TMEM9: variants seen among roughly 807,000 people sequenced by gnomAD.
TMEM9 encodes the protein proton-transporting V-type ATPase complex assembly regulator TMEM9.
A neutral mutation model predicts 22.8 loss-of-function variants in TMEM9; 13 were observed. That is an observed-to-expected ratio of 0.57 (90% CI 0.37 to 0.91). The LOEUF is 0.91. Ranked by LOEUF, TMEM9 falls within the 40% of genes least tolerant of loss-of-function variation. TMEM9 has a pLI of 0.01. For synonymous variants in TMEM9, 88 were observed against 93.0 expected (o/e 0.95, Z 0.31); for missense variants, 182 against 238.1 (o/e 0.76, Z 1.55).
chr1:201,150,579 A>G (rs1480201135), intron 2 of TMEM9, among the ~76,000 whole-genome samples: 7 of 152,208 alleles, frequency 4.6e-5, no homozygotes, highest in Admixed American at 4.6e-4. Flanking sequence ...CAGCTAAGCT[A>G]AATTTGAAGT....
chr1:201,170,803 G>T (rs1002665717), intron 1 of TMEM9, among the ~76,000 whole-genome samples: 1 of 147,224 alleles, frequency 6.8e-6, no homozygotes, highest in African/African-American at 2.5e-5. Context: ...AACGTGGCCC[G>T]CCCTAGCCCC....
upstream of TMEM9, among the ~76,000 whole-genome samples, chr1:201,156,073 CA>C (rs1665785309): frequency 6.6e-6 from 1 of 152,082 alleles, no homozygotes; most frequent in Non-Finnish European, 1.5e-5. Context: ...TTCATGGGGA[CA>C]AAAGCATGGG....
At chr1:201,171,242 C>A (rs550228667) in intron 1 of TMEM9, among the ~76,000 whole-genome samples, 1 of 152,272 alleles carries the variant, frequency 6.6e-6, no homozygotes, top group East Asian at 1.9e-4. Flanking sequence ...CTTCCCAGGC[C>A]CCCTGCCGGA....
At chr1:201,138,785 C>T (rs1664240132) in intron 4 of TMEM9, among the ~76,000 whole-genome samples, 1 of 152,230 alleles carries the variant, frequency 6.6e-6, no homozygotes, top group Admixed American at 6.5e-5. Flanking sequence ...AAAGATGAAT[C>T]ATCTTGCTGC....
At chr1:201,164,136 C>T (rs916960545) in intron 1 of TMEM9, among the ~76,000 whole-genome samples, 1 of 152,120 alleles carries the variant, frequency 6.6e-6, no homozygotes, top group Non-Finnish European at 1.5e-5. Flanking sequence ...ATACCAATCC[C>T]AAAAGTTTGC....
intron 1 of TMEM9, among the ~76,000 whole-genome samples, chr1:201,162,325 C>G (rs887464507): frequency 1.3e-5 from 2 of 151,806 alleles, no homozygotes; most frequent in African/African-American, 4.8e-5. Flanking sequence ...TTTGTGGAGA[C>G]AGAGTCTTGC....
At chr1:201,141,666 C>T (rs1020296657) in intron 4 of TMEM9, among the ~76,000 whole-genome samples, 3 of 152,142 alleles carry the variant, frequency 2.0e-5, no homozygotes, top group Non-Finnish European at 4.4e-5. Flanking sequence ...GGCTCGCCAG[C>T]TTCTATGTGC....
intron 4 of TMEM9, among the ~76,000 whole-genome samples, chr1:201,138,144 C>T (rs571931581): frequency 4.6e-5 from 7 of 152,162 alleles, no homozygotes; most frequent in East Asian, 1.9e-4. Context: ...TGGGGTGCTA[C>T]GCTTGGAAGG....
At chr1:201,148,469 C>G (rs6427881) in intron 2 of TMEM9, among the ~76,000 whole-genome samples, 112,716 of 152,224 alleles carry the variant, frequency 0.74, 41,859 homozygotes, top group Non-Finnish European at 0.77. Flanking sequence ...AGAGGTGAAG[C>G]AGGTGTCATG....
upstream of TMEM9, among the ~76,000 whole-genome samples, chr1:201,157,426 C>T (rs1443327203): frequency 3.3e-5 from 5 of 152,182 alleles, no homozygotes; most frequent in Admixed American, 6.5e-5. Context: ...AGCATTCCTC[C>T]GTGCAAGCTT....
chr1:201,153,194 T>C (rs565625080), intron 1 of TMEM9, among the ~76,000 whole-genome samples: 14 of 152,370 alleles, frequency 9.2e-5, no homozygotes, highest in African/African-American at 1.7e-4. Context: ...ACTGTGTTAA[T>C]AGTACATCAT....
At position 201,146,950 on chromosome 1, in the gene TMEM9, G is replaced by A. The variant is rs753434988; in HGVS notation, c.159-102C>T. 7.6e-6 allele frequency: 8 copies of A among 1,052,246 alleles called. No homozygotes were observed. In the Admixed American group the frequency reaches 9.9e-5, roughly 13 times the overall value. The allele number at this position is 1,052,246 out of a possible 1,614,324, so 65.2% of individuals were successfully genotyped here. Reference sequence around the variant, plus strand: ...CAGGGGAGCTGAGAGGTAGGGGCTAGGCAAAGGTGAAGGGTGCTCCCAGAG... The same window carrying A: ...CAGGGGAGCTGAGAGGTAGGGGCTAAGCAAAGGTGAAGGGTGCTCCCAGAG... On this transcript the variant is annotated intron_variant, in intron 2 of 4. Coordinates refer to ENST00000367330, the MANE Select transcript of TMEM9 (RefSeq NM_001288565.2).
chr1:201,154,197 C>G lies in TMEM9; in HGVS notation c.-274G>C. ...TCGAGGGGACACCGCTGCCAGGGGC[C>G]TCCAGTTCCTTCTCAAGGCCCGGCT... On this transcript the variant is annotated 5_prime_UTR_variant, in exon 1 of 5. Coordinates refer to ENST00000367330, the MANE Select transcript of TMEM9 (RefSeq NM_001288565.2). 2.4e-6 allele frequency: 1 copy of G among 408,792 alleles called. No individual in the cohort carries two copies. The highest frequency in any genetic ancestry group is 4.2e-5 in the Admixed American group (1 of 23,668). The allele number at this position is 408,792 out of a possible 1,614,324, so 25.3% of individuals were successfully genotyped here. A position where few individuals can be genotyped will look rare whatever the true frequency, so the allele number is the denominator to read the frequency against.
upstream of TMEM9, among the ~76,000 whole-genome samples, chr1:201,154,743 A>G (rs1342488462): frequency 2.6e-5 from 4 of 152,180 alleles, no homozygotes; most frequent in Non-Finnish European, 5.9e-5. Context: ...AGCTTGTTTC[A>G]TCTTGCTGTT....
intron 3 of TMEM9, among the ~76,000 whole-genome samples, chr1:201,145,948 TCAGACC>T (rs1315354885): frequency 6.6e-6 from 1 of 152,030 alleles, no homozygotes; most frequent in Non-Finnish European, 1.5e-5. Context: ...GGCAACAGAG[TCAGACC>T]CAGTCTCTAA....
intron 4 of TMEM9, among the ~76,000 whole-genome samples, chr1:201,143,288 G>A (rs560174522): frequency 2.0e-5 from 3 of 152,244 alleles, no homozygotes; most frequent in Admixed American, 6.5e-5. Context: ...TCCTTGCAAC[G>A]CTCAAAATTC....
chr1:201,139,153 T>C (rs2102227257), intron 4 of TMEM9, among the ~76,000 whole-genome samples: 1 of 152,330 alleles, frequency 6.6e-6, no homozygotes, highest in Middle Eastern at 3.4e-3. Flanking sequence ...GCACTGGACT[T>C]GGCCAAAGCC....
In TMEM9 at chr1:201,135,537, A is replaced by G. The variant is rs1663911515; in HGVS notation, c.*126T>C. 5 of 1,045,974 alleles carry G rather than the reference A, an allele frequency of 4.8e-6. No individual in the cohort carries two copies. The highest frequency in any genetic ancestry group is 3.3e-5 in the Admixed American group (1 of 30,750). 64.8% of individuals were successfully genotyped at this position (1,045,974 alleles called of 1,614,324 possible). On this transcript the variant is annotated 3_prime_UTR_variant, in exon 5 of 5. Coordinates refer to ENST00000367330, the MANE Select transcript of TMEM9 (RefSeq NM_001288565.2). ...ATTTCTAAAGTTAGGGAGAAGGAGG[A>G]AAAATGCCACAGGCTTTTAAAGGGA...
intron 4 of TMEM9, among the ~76,000 whole-genome samples, chr1:201,137,331 T>C (rs1010394861): frequency 1.3e-5 from 2 of 152,250 alleles, no homozygotes; most frequent in Non-Finnish European, 2.9e-5. Flanking sequence ...GAAGGAGACA[T>C]GGCCTCAGTC....
Sources: gnomAD v4.1 joint callset for allele counts (sites outside exome capture counted in the v4.1 genomes callset) on GRCh38, gnomAD v4.1.1 for gene constraint, MANE v1.5 for transcripts, NCBI Gene and HGNC (gene_info 2026-07-23, HGNC 2026-07-21) for gene names.